KIAA1958: variants seen among roughly 807,000 people sequenced by gnomAD.
KIAA1958 encodes the protein KIAA1958, also known as uncharacterized protein KIAA1958.
Under a neutral mutation model 47.2 loss-of-function variants are expected in KIAA1958, and 14 were observed. The observed-to-expected ratio is 0.30, with a 90% CI of 0.20 to 0.46. KIAA1958 has a LOEUF of 0.46. Ranked by LOEUF, KIAA1958 falls within the 20% of genes least tolerant of loss-of-function variation. The pLI, the probability that KIAA1958 is intolerant of heterozygous loss-of-function variation, is 1.00. For synonymous variants in KIAA1958, 354 were observed against 353.3 expected (o/e 1.00, Z -0.02); for missense variants, 803 against 909.2 (o/e 0.88, Z 1.50).
intron 1 of KIAA1958, among the ~76,000 whole-genome samples, chr9:112,533,168 G>A (rs10121200): frequency 0.95 from 145,280 of 152,188 alleles, 69,414 homozygotes; most frequent in African/African-American, 0.99. Flanking sequence ...TAAGTAATGC[G>A]TCAGTGAGTA....
chr9:112,527,444 G>A (rs987861929), intron 1 of KIAA1958, among the ~76,000 whole-genome samples: 7 of 152,198 alleles, frequency 4.6e-5, no homozygotes, highest in Non-Finnish European at 1.0e-4. Context: ...AAGTAACACA[G>A]GATGAAGTTG....
At chr9:112,613,769 A>G (rs775854270) in intron 2 of KIAA1958, among the ~76,000 whole-genome samples, 3 of 152,226 alleles carry the variant, frequency 2.0e-5, no homozygotes, top group Non-Finnish European at 4.4e-5. Context: ...AAAGGTTAAC[A>G]GTATTTAGTG....
chr9:112,656,611 T>C (rs1250649196), intron 3 of KIAA1958, among the ~76,000 whole-genome samples: 5 of 152,200 alleles, frequency 3.3e-5, no homozygotes, highest in African/African-American at 1.2e-4. Flanking sequence ...AATGTAATAT[T>C]GGTCAGATTT....
At chr9:112,642,981 GATTTTAAGAAA>G (rs1220924445) in intron 2 of KIAA1958, among the ~76,000 whole-genome samples, 3 of 152,152 alleles carry the variant, frequency 2.0e-5, no homozygotes, top group Non-Finnish European at 4.4e-5. Flanking sequence ...TCTGTCCTGT[GATTTTAAGAAA>G]ATTTTAAGAA....
intron 1 of KIAA1958, among the ~76,000 whole-genome samples, chr9:112,521,196 C>T (rs1301015442): frequency 6.6e-6 from 1 of 151,896 alleles, no homozygotes; most frequent in African/African-American, 2.4e-5. Flanking sequence ...TCTAAATAGC[C>T]TATGTTGTTG....
At chr9:112,534,797 G>A (rs1468101347) in intron 1 of KIAA1958, among the ~76,000 whole-genome samples, 1 of 152,128 alleles carries the variant, frequency 6.6e-6, no homozygotes, top group African/African-American at 2.4e-5. Context: ...GCCCGCCTCG[G>A]CCTCCCAAAG....
chr9:112,618,306 G>A lies in KIAA1958; in HGVS notation c.1172-27344G>A, dbSNP rs1335026645. ...CTGCGGAAAAGGGGACTGCTAAGCC[G>A]ATATAACCCCGAGGGTTTGCTCAAC... On this transcript the variant is annotated intron_variant, in intron 2 of 3. Coordinates refer to ENST00000337530, the MANE Select transcript of KIAA1958 (RefSeq NM_133465.4). The surrounding 1 kb of genome is among the most constrained non-coding windows in gnomAD (Gnocchi z 7.1). 6 of 1,551,102 alleles carry A rather than the reference G, an allele frequency of 3.9e-6. No individual in the cohort carries two copies. The highest frequency in any genetic ancestry group is 2.4e-5 in the South Asian group (2 of 84,060).
intron 1 of KIAA1958, among the ~76,000 whole-genome samples, chr9:112,516,933 T>C (rs1834446640): frequency 6.6e-6 from 1 of 152,228 alleles, no homozygotes; most frequent in Admixed American, 6.5e-5. Context: ...GTGTGAGGTA[T>C]GGAAACAGTT....
intron 2 of KIAA1958, among the ~76,000 whole-genome samples, chr9:112,591,932 C>T (rs1471067981): frequency 6.6e-6 from 1 of 152,206 alleles, no homozygotes; most frequent in Admixed American, 6.5e-5. Context: ...ATGGTGATCT[C>T]ACGCTTGGAC....
chr9:112,638,103 C>T (rs1397600168), intron 2 of KIAA1958, among the ~76,000 whole-genome samples: 5 of 151,974 alleles, frequency 3.3e-5, no homozygotes, highest in Non-Finnish European at 5.9e-5. Context: ...GAGCAGAGAT[C>T]GTGCCACTGC....
intron 1 of KIAA1958, among the ~76,000 whole-genome samples, chr9:112,499,138 A>G (rs1221835306): frequency 1.3e-5 from 2 of 152,208 alleles, no homozygotes; most frequent in Admixed American, 6.5e-5. Flanking sequence ...TTATCCATGC[A>G]TCGGTTGATG....
At chr9:112,520,826 T>A (rs1363608346) in intron 1 of KIAA1958, among the ~76,000 whole-genome samples, 1 of 152,234 alleles carries the variant, frequency 6.6e-6, no homozygotes, top group African/African-American at 2.4e-5. Flanking sequence ...GTGGTTTGAA[T>A]CAAGACAGCA....
chr9:112,600,825 A>G (rs1431418955), intron 2 of KIAA1958, among the ~76,000 whole-genome samples: 1 of 152,228 alleles, frequency 6.6e-6, no homozygotes, highest in African/African-American at 2.4e-5. Flanking sequence ...AAGCAGCAGT[A>G]TGTTTAAAGA....
intron 2 of KIAA1958, among the ~76,000 whole-genome samples, chr9:112,635,835 A>C (rs915337459): frequency 2.0e-5 from 3 of 151,572 alleles, no homozygotes; most frequent in Non-Finnish European, 4.4e-5. Context: ...TTTTATTATA[A>C]ATTTCTTTCC....
chr9:112,599,283 C>T (rs1175052829), intron 2 of KIAA1958, among the ~76,000 whole-genome samples: 1 of 152,032 alleles, frequency 6.6e-6, no homozygotes, highest in African/African-American at 2.4e-5. Flanking sequence ...GAAAATGCAT[C>T]ATGTAACGTT....
At chr9:112,552,432 G>A (rs1401859589) in intron 1 of KIAA1958, among the ~76,000 whole-genome samples, 1 of 152,158 alleles carries the variant, frequency 6.6e-6, no homozygotes, top group African/African-American at 2.4e-5. Context: ...GGCCTAATGT[G>A]TTAACTATAA....
chr9:112,498,165 C>A (rs764233611), intron 1 of KIAA1958, among the ~76,000 whole-genome samples: 1 of 152,104 alleles, frequency 6.6e-6, no homozygotes, highest in Non-Finnish European at 1.5e-5. Flanking sequence ...CTGACATCTT[C>A]TGAAAACAAG....
intron 1 of KIAA1958, among the ~76,000 whole-genome samples, chr9:112,503,305 C>T (rs928899905): frequency 5.9e-5 from 9 of 152,028 alleles, no homozygotes; most frequent in South Asian, 4.2e-4. Flanking sequence ...GCAAAGGGAA[C>T]GGCAAGCACA....
intron 1 of KIAA1958, among the ~76,000 whole-genome samples, chr9:112,499,547 A>C (rs1834098403): frequency 6.6e-6 from 1 of 152,078 alleles, no homozygotes; most frequent in African/African-American, 2.4e-5. Flanking sequence ...TATTCTGCCT[A>C]TGATAATATT....
Sources: allele counts gnomAD v4.1 joint callset (sites outside exome capture counted in the v4.1 genomes callset), GRCh38; gene constraint gnomAD v4.1.1; non-coding constraint Gnocchi (gnomAD v3.1); transcripts MANE v1.5; gene names NCBI Gene and HGNC (gene_info 2026-07-23, HGNC 2026-07-21).